The following CAST variants were observed in gnomAD, a reference collection of about 807,000 sequenced individuals.
CAST encodes the protein MIR583 host.
Under a neutral mutation model 119.6 loss-of-function variants are expected in CAST, and 76 were observed. That is an observed-to-expected ratio of 0.64 (90% confidence interval 0.53 to 0.77). CAST has a LOEUF of 0.77. Ranked by LOEUF, CAST falls within the 30% of genes least tolerant of loss-of-function variation. CAST has a pLI of 0.00. For synonymous variants in CAST, 319 were observed against 331.6 expected (o/e 0.96, Z 0.41); for missense variants, 953 against 946.5 (o/e 1.01, Z -0.09).
chr5:96,567,617 C>T (rs117595711), intron 1 of CAST, among the ~76,000 whole-genome samples: 1 of 152,138 alleles, frequency 6.6e-6, no homozygotes, highest in African/African-American at 2.4e-5. Context: ...ATTTTCCTAA[C>T]CTACTCTTAT....
intron 1 of CAST, among the ~76,000 whole-genome samples, chr5:96,539,399 A>G (rs1296402863): frequency 6.6e-6 from 1 of 152,150 alleles, no homozygotes; most frequent in Non-Finnish European, 1.5e-5. Context: ...GACAGTTTTT[A>G]TTCTAAATAA....
the CAST span, among the ~76,000 whole-genome samples, chr5:96,072,093 A>G: frequency 6.6e-6 from 1 of 152,346 alleles, no homozygotes; most frequent in East Asian, 1.9e-4. Flanking sequence ...GGCAAAAGTC[A>G]TGGAGGTAAT....
rs144561238 is a variant in CAST at position 96,742,726 on chromosome 5, C to T, written c.1170C>T (p.Leu390=). Residue 390 remains leucine, a synonymous_variant, in exon 16 of 32, where the codon CTC becomes CTT. Coordinates refer to ENST00000675179, the MANE Select transcript of CAST (RefSeq NM_001750.7). ...GCACCCGGCAAGCAGAACCTGAGCTCGACCTCCGCTCAATTAAGGAAGTCG... is the reference window on the plus strand; with the variant it reads ...GCACCCGGCAAGCAGAACCTGAGCTTGACCTCCGCTCAATTAAGGAAGTCG... ...SLGTRQAEPE[L]DLRSIKEVDE... The T allele has an allele frequency of 4.6e-5, 74 of 1,613,702 alleles. No individual in the cohort carries two copies. The highest frequency in any genetic ancestry group is 4.1e-4 in the African/African-American group (31 of 74,998).
the CAST span, among the ~76,000 whole-genome samples, chr5:96,310,356 C>T: frequency 1.3e-5 from 2 of 152,150 alleles, no homozygotes; most frequent in Admixed American, 1.3e-4. Context: ...AGGACTTTTG[C>T]ACTGATGTTA....
chr5:96,438,432 T>C, the CAST span, among the ~76,000 whole-genome samples: 4 of 152,170 alleles, frequency 2.6e-5, no homozygotes, highest in Admixed American at 2.6e-4. Context: ...TCTTTTATGG[T>C]CCAGTATTCA....
the CAST span, among the ~76,000 whole-genome samples, chr5:96,240,723 C>A: frequency 1.4e-5 from 2 of 147,890 alleles, no homozygotes; most frequent in Admixed American, 6.7e-5. Flanking sequence ...GTCACCTTGC[C>A]CAGCTAACTT....
the CAST span, among the ~76,000 whole-genome samples, chr5:96,159,836 A>T: frequency 2.6e-5 from 4 of 152,128 alleles, no homozygotes; most frequent in African/African-American, 9.6e-5. Context: ...TTCACATACC[A>T]TACAATTCAC....
chr5:96,283,599 G>A, the CAST span, among the ~76,000 whole-genome samples: 2 of 152,090 alleles, frequency 1.3e-5, no homozygotes, highest in Non-Finnish European at 1.5e-5. Context: ...CATCATTTCT[G>A]TCTGGTCCAG....
intron 3 of CAST, among the ~76,000 whole-genome samples, chr5:96,696,459 T>C (rs1484120955): frequency 6.6e-6 from 1 of 152,110 alleles, no homozygotes; most frequent in African/African-American, 2.4e-5. Context: ...TGCTGGGTCT[T>C]ATAAACTCCA....
the CAST span, among the ~76,000 whole-genome samples, chr5:96,519,232 A>G: frequency 1.3e-5 from 2 of 152,214 alleles, no homozygotes; most frequent in African/African-American, 2.4e-5. Flanking sequence ...CTTTCTCTGA[A>G]AAGAAATAAA....
chr5:96,047,072 TA>T, the CAST span, among the ~76,000 whole-genome samples: 4 of 152,166 alleles, frequency 2.6e-5, no homozygotes, highest in African/African-American at 9.7e-5. Context: ...CACATTAGCA[TA>T]AGACTTTTAA....
chr5:96,364,669 A>G, the CAST span, among the ~76,000 whole-genome samples: 4 of 152,134 alleles, frequency 2.6e-5, no homozygotes, highest in Non-Finnish European at 1.5e-5. Context: ...TGGTGGTGAT[A>G]TCCCCTTTAT....
chr5:96,436,054 A>G, the CAST span, among the ~76,000 whole-genome samples: 2 of 152,244 alleles, frequency 1.3e-5, no homozygotes, highest in African/African-American at 4.8e-5. Context: ...AAGAGATGTT[A>G]AAGAATGGGT....
the CAST span, among the ~76,000 whole-genome samples, chr5:96,060,586 C>A: frequency 6.6e-6 from 1 of 152,118 alleles, no homozygotes; most frequent in South Asian, 2.1e-4. Flanking sequence ...GGGAACATTT[C>A]TTCTACCTGT....
chr5:96,441,556 G>A, the CAST span, among the ~76,000 whole-genome samples: 3 of 152,044 alleles, frequency 2.0e-5, no homozygotes, highest in South Asian at 2.1e-4. Flanking sequence ...AATCAGTAGC[G>A]ATGGGTTTAA....
chr5:96,653,028 G>A (rs546484022), intron 1 of CAST, among the ~76,000 whole-genome samples: 28 of 152,344 alleles, frequency 1.8e-4, no homozygotes, highest in African/African-American at 6.3e-4. Flanking sequence ...CAGGGTCCCT[G>A]TTGAGCCTGA....
the CAST span, among the ~76,000 whole-genome samples, chr5:96,108,571 G>A: frequency 6.6e-6 from 1 of 152,244 alleles, no homozygotes; most frequent in Admixed American, 6.5e-5. Context: ...TGAGGAGGCA[G>A]TGTGCCTGTT....
the CAST span, among the ~76,000 whole-genome samples, chr5:96,069,415 G>A: frequency 6.6e-6 from 1 of 151,254 alleles, no homozygotes; most frequent in African/African-American, 2.4e-5. Flanking sequence ...GTGTCTATGT[G>A]TGTGTGTATG....
the CAST span, among the ~76,000 whole-genome samples, chr5:96,122,296 A>G: frequency 6.6e-6 from 1 of 152,192 alleles, no homozygotes; most frequent in Non-Finnish European, 1.5e-5. Context: ...TACACTTGAG[A>G]GAATACTTCT....
Sources: gnomAD v4.1 joint callset for allele counts (sites outside exome capture counted in the v4.1 genomes callset) on GRCh38, gnomAD v4.1.1 for gene constraint, MANE v1.5 for transcripts, NCBI Gene and HGNC (gene_info 2026-07-23, HGNC 2026-07-21) for gene names.